The following CCDC85A variants were observed in gnomAD, a reference collection of about 807,000 sequenced individuals.
CCDC85A encodes coiled-coil domain containing 85A.
In CCDC85A, 38 loss-of-function variants were observed where a neutral mutation model predicts 50.2. That is an observed-to-expected ratio of 0.76 (90% CI 0.58 to 0.99). The LOEUF (loss-of-function observed/expected upper bound fraction) is 0.99. Ranked by LOEUF, CCDC85A falls within the 50% of genes least tolerant of loss-of-function variation. The pLI, the probability that CCDC85A is intolerant of heterozygous loss-of-function variation, is 0.00. For missense variants in CCDC85A, 820 were observed against 742.0 expected, an observed-to-expected ratio of 1.11 and a Z score of -1.22; for synonymous variants, 366 against 301.4, an observed-to-expected ratio of 1.21 and a Z score of -2.22.
Position 56,209,494 on chromosome 2 carries a change from G to A in CCDC85A, c.1240+16054G>A, listed in dbSNP as rs1291601867. 2.1e-5 allele frequency among the ~76,000 whole-genome samples: 3 copies of A among 142,296 alleles called. No individual in the cohort carries two copies. The East Asian group carries it at 6.4e-4, about 30-fold the overall frequency. The allele number at this position is 142,296 out of a possible 152,430, so 93.4% of individuals were successfully genotyped here. A position where few individuals can be genotyped will look rare whatever the true frequency, so the allele number is the denominator to read the frequency against. Reference sequence around the variant, plus strand: ...TATGCAAAACTTCTGCTGAATTATTGACAGAGAATGGCCTTTTTTGTTGAT... The same window carrying A: ...TATGCAAAACTTCTGCTGAATTATTAACAGAGAATGGCCTTTTTTGTTGAT... On this transcript the variant is annotated intron_variant, in intron 2 of 5. Coordinates refer to ENST00000407595, the MANE Select transcript of CCDC85A (RefSeq NM_001080433.2).
chr2:56,337,078 T>C (rs940764697), intron 2 of CCDC85A, among the ~76,000 whole-genome samples: 8 of 152,214 alleles, frequency 5.3e-5, no homozygotes, highest in African/African-American at 1.9e-4. Context: ...AGTCAGAGGA[T>C]TGTGGCAGAA....
chr2:56,385,708 A>C lies in CCDC85A; in HGVS notation c.*1353A>C, dbSNP rs1227459804. ...GATGGGCTCATTACATAACGAGTTA[A>C]TTGTCACTAGTAGGAGACTGTGAAG... On this transcript the variant is annotated 3_prime_UTR_variant, in exon 6 of 6. Transcript: ENST00000407595. 1 of 151,866 alleles carries C rather than the reference A, an allele frequency of 6.6e-6. No homozygotes were observed. Among genetic ancestry groups the C allele is most frequent in the Non-Finnish European group, 1.5e-5 (1 of 67,782 alleles). The allele number at this position is 151,866 out of a possible 1,614,324, so 9.4% of individuals were successfully genotyped here.
intron 2 of CCDC85A, among the ~76,000 whole-genome samples, chr2:56,296,441 C>T (rs1671952247): frequency 6.6e-6 from 1 of 152,166 alleles, no homozygotes; most frequent in Non-Finnish European, 1.5e-5. Context: ...CCTTTTGAAG[C>T]CTATGTAAGC....
chr2:56,275,079 A>G (rs1052054640), intron 2 of CCDC85A, among the ~76,000 whole-genome samples: 10 of 152,028 alleles, frequency 6.6e-5, no homozygotes, highest in African/African-American at 2.4e-4. Context: ...ATACCACCAT[A>G]TCGGGAGCTT....
chr2:56,351,087 G>A (rs1345067551), intron 3 of CCDC85A, among the ~76,000 whole-genome samples: 1 of 129,018 alleles, frequency 7.8e-6, no homozygotes, highest in Non-Finnish European at 1.6e-5. Flanking sequence ...CCACCTATGA[G>A]TGAGAATATG....
chr2:56,231,232 A>G (rs1369257414), intron 2 of CCDC85A, among the ~76,000 whole-genome samples: 2 of 152,228 alleles, frequency 1.3e-5, no homozygotes, highest in African/African-American at 2.4e-5. Context: ...ATGGTAAAAC[A>G]GCTTATGCTA....
chr2:56,241,042 C>G (rs1201895197), intron 2 of CCDC85A, among the ~76,000 whole-genome samples: 2 of 152,160 alleles, frequency 1.3e-5, no homozygotes, highest in African/African-American at 4.8e-5. Flanking sequence ...TTGCTATTGT[C>G]TGTCTGGATC....
At chr2:56,266,516 G>T (rs368123928) in intron 2 of CCDC85A, among the ~76,000 whole-genome samples, 25 of 145,690 alleles carry the variant, frequency 1.7e-4, no homozygotes, top group African/African-American at 5.5e-4. Flanking sequence ...ACAATGTATA[G>T]ATGTATCAAA....
At chr2:56,187,419 G>A (rs757015364) in intron 1 of CCDC85A, among the ~76,000 whole-genome samples, 6 of 152,206 alleles carry the variant, frequency 3.9e-5, no homozygotes, top group Admixed American at 6.5e-5. Flanking sequence ...GCCTGTGGCC[G>A]GGTCCTAGCA....
At chr2:56,253,210 G>A (rs1310314771) in intron 2 of CCDC85A, among the ~76,000 whole-genome samples, 2 of 152,010 alleles carry the variant, frequency 1.3e-5, no homozygotes, top group East Asian at 1.9e-4. Flanking sequence ...AAGTCCCTAC[G>A]CCCATCAAGG....
chr2:56,313,670 A>G (rs1003048176), intron 2 of CCDC85A, among the ~76,000 whole-genome samples: 1 of 152,068 alleles, frequency 6.6e-6, no homozygotes, highest in Non-Finnish European at 1.5e-5. Flanking sequence ...TTGCCTATGG[A>G]CTTTACTTCT....
At chr2:56,281,639 C>T (rs1312868196) in intron 2 of CCDC85A, among the ~76,000 whole-genome samples, 1 of 152,052 alleles carries the variant, frequency 6.6e-6, no homozygotes, top group Admixed American at 6.6e-5. Flanking sequence ...TAACAGTGTC[C>T]TAAAGATTTT....
At chr2:56,260,921 C>G (rs1004385561) in intron 2 of CCDC85A, among the ~76,000 whole-genome samples, 15 of 152,192 alleles carry the variant, frequency 9.9e-5, no homozygotes, top group African/African-American at 3.4e-4. Context: ...TCTTATAGAA[C>G]TTGCCTTCAC....
At chr2:56,256,394 T>A (rs1017878059) in intron 2 of CCDC85A, among the ~76,000 whole-genome samples, 2 of 152,190 alleles carry the variant, frequency 1.3e-5, no homozygotes, top group Non-Finnish European at 2.9e-5. Flanking sequence ...TTATTATTAC[T>A]ATTTATTAAG....
chr2:56,368,291 G>A (rs528899184), intron 3 of CCDC85A, among the ~76,000 whole-genome samples: 2 of 152,244 alleles, frequency 1.3e-5, no homozygotes, highest in African/African-American at 2.4e-5. Flanking sequence ...AGGCAAGAGG[G>A]TCTTAGCATT....
At chr2:56,234,518 C>T (rs1668917406) in intron 2 of CCDC85A, among the ~76,000 whole-genome samples, 1 of 152,134 alleles carries the variant, frequency 6.6e-6, no homozygotes, top group Admixed American at 6.6e-5. Flanking sequence ...AAAATTAAAC[C>T]ACCACATATT....
chr2:56,336,925 C>G (rs534797694), intron 2 of CCDC85A, among the ~76,000 whole-genome samples: 1 of 152,164 alleles, frequency 6.6e-6, no homozygotes. Flanking sequence ...ATGTATGTTA[C>G]TTCATGATTA....
chr2:56,261,718 G>A (rs1670227175), intron 2 of CCDC85A, among the ~76,000 whole-genome samples: 1 of 152,214 alleles, frequency 6.6e-6, no homozygotes, highest in African/African-American at 2.4e-5. Context: ...GTGACTTGAA[G>A]ATGCATCACC....
chr2:56,201,466 T>G (rs1171948872), intron 2 of CCDC85A, among the ~76,000 whole-genome samples: 1 of 152,138 alleles, frequency 6.6e-6, no homozygotes, highest in Non-Finnish European at 1.5e-5. Flanking sequence ...TGCCTTCTGG[T>G]CTTGATTATA....
Sources: allele counts gnomAD v4.1 joint callset (sites outside exome capture counted in the v4.1 genomes callset), GRCh38; gene constraint gnomAD v4.1.1; transcripts MANE v1.5; gene names NCBI Gene and HGNC (gene_info 2026-07-23, HGNC 2026-07-21).